The following PRTG variants were observed in gnomAD, a reference collection of about 807,000 sequenced individuals.
PRTG encodes immunoglobulin superfamily, DCC subclass, member 5.
Under a neutral mutation model 122.5 loss-of-function variants are expected in PRTG, and 67 were observed. That is an observed-to-expected ratio of 0.55 (90% CI 0.45 to 0.67). The LOEUF is 0.67. Ranked by LOEUF, PRTG falls within the 30% of genes least tolerant of loss-of-function variation. PRTG has a pLI of 0.00. For missense variants in PRTG, 1,435 were observed against 1,415.4 expected (o/e 1.01, Z -0.22); for synonymous variants, 554 against 501.1 (o/e 1.11, Z -1.41).
chr15:55,740,692 G>A lies in PRTG; in HGVS notation c.95-8C>T, dbSNP rs1567123218. 5 of 1,580,720 alleles carry A rather than the reference G, an allele frequency of 3.2e-6. No homozygotes were observed. The highest frequency in any genetic ancestry group is 1.9e-5 in the Admixed American group (1 of 52,372). On this transcript the variant is annotated splice_region_variant and splice_polypyrimidine_tract_variant and intron_variant, in intron 1 of 19. Transcript: ENST00000389286. ...CGCTAAAGCACCACACTCCTATAAG[G>A]AAAAAAAAGGAGAACGGCACATCCA...
At chr15:55,701,507 C>A (rs1407210136) in intron 2 of PRTG, among the ~76,000 whole-genome samples, 5 of 152,156 alleles carry the variant, frequency 3.3e-5, no homozygotes, top group South Asian at 4.2e-4. Flanking sequence ...GCACCCCAGC[C>A]TGGATGACAG....
At chr15:55,626,115 T>C (rs1339298806) in intron 17 of PRTG, among the ~76,000 whole-genome samples, 1 of 152,078 alleles carries the variant, frequency 6.6e-6, no homozygotes, top group Non-Finnish European at 1.5e-5. Context: ...CTCAAAATAC[T>C]AAGAAAATGA....
In PRTG at chr15:55,612,383, T is replaced by C. The variant is rs912637357; in HGVS notation, c.*7629A>G. The C allele has an allele frequency of 6.6e-6, 1 of 151,874 alleles. No individual in the cohort carries two copies. The highest frequency in any genetic ancestry group is 1.5e-5 in the Non-Finnish European group (1 of 67,888). The allele number at this position is 151,874 out of a possible 1,614,324, so 9.4% of individuals were successfully genotyped here. A position where few individuals can be genotyped will look rare whatever the true frequency, so the allele number is the denominator to read the frequency against. On this transcript the variant is annotated 3_prime_UTR_variant, in exon 20 of 20. Coordinates refer to ENST00000389286, the MANE Select transcript of PRTG (RefSeq NM_173814.6). ...CATGAACTACTTACAAGCTATGAAC[T>C]TAAGGAAATCTGCAAAGCTGTTCAG... is the stretch of plus-strand genomic sequence containing the variant.
At chr15:55,730,334 G>A (rs888960041) in intron 2 of PRTG, among the ~76,000 whole-genome samples, 3 of 151,990 alleles carry the variant, frequency 2.0e-5, no homozygotes, top group Admixed American at 6.6e-5. Context: ...ACTGCTGACC[G>A]ACAGTGATTC....
Position 55,675,520 on chromosome 15 carries a change from A to G in PRTG, c.1545T>C (p.Asp515=). The change falls in exon 9 of 20, where the codon GAT becomes GAC. Residue 515 remains aspartate (D), a splice_region_variant and synonymous_variant. Coordinates refer to ENST00000389286, the MANE Select transcript of PRTG (RefSeq NM_173814.6). The stretch of plus-strand genomic sequence containing the variant: ...TGATCTAGAATCATGTTTTCTTACC[A>G]TCCTCTAGAGTATTCTGTGTCACAT... ...SDHVTQNTLE[D]VPLRPPEISL... is the part of the protein sequence containing the mutation. The G allele has an allele frequency of 3.7e-6, 6 of 1,601,348 alleles. No individual in the cohort carries two copies. Among genetic ancestry groups the G allele is most frequent in the Non-Finnish European group, 5.1e-6 (6 of 1,171,748 alleles).
At chr15:55,709,145 C>CAAAAAA (rs3985769) in intron 2 of PRTG, among the ~76,000 whole-genome samples, 8 of 51,832 alleles carry the variant, frequency 1.5e-4, no homozygotes, top group African/African-American at 6.4e-4. Context: ...GACTCTGTCT[C>CAAAAAA]AAAAAAAAAA....
intron 2 of PRTG, among the ~76,000 whole-genome samples, chr15:55,701,093 T>C (rs1352139023): frequency 1.3e-5 from 2 of 152,216 alleles, no homozygotes; most frequent in Non-Finnish European, 2.9e-5. Context: ...CCTGTTAGAA[T>C]GACTCAAATC....
intron 2 of PRTG, among the ~76,000 whole-genome samples, chr15:55,688,832 C>CA (rs1355275583): frequency 1.3e-5 from 2 of 152,008 alleles, no homozygotes; most frequent in African/African-American, 4.8e-5. Context: ...GACTCCATCT[C>CA]AAAAAAAGAA....
intron 11 of PRTG, among the ~76,000 whole-genome samples, chr15:55,663,717 T>C (rs2059422497): frequency 6.6e-6 from 1 of 151,978 alleles, no homozygotes; most frequent in Non-Finnish European, 1.5e-5. Flanking sequence ...AATTTTTGTA[T>C]TTTTAGTAGA....
intron 2 of PRTG, among the ~76,000 whole-genome samples, chr15:55,709,056 G>A (rs1438892901): frequency 1.4e-5 from 2 of 142,148 alleles, no homozygotes; most frequent in African/African-American, 5.2e-5. Context: ...TGAGGCAGGA[G>A]AATCACTTGA....
At chr15:55,697,343 A>G (rs2059637347) in intron 2 of PRTG, among the ~76,000 whole-genome samples, 1 of 152,214 alleles carries the variant, frequency 6.6e-6, no homozygotes, top group Non-Finnish European at 1.5e-5. Flanking sequence ...AGTGCCCTGC[A>G]TACAACAGGC....
Position 55,715,862 on chromosome 15 carries a change from A to C in PRTG, c.397+24520T>G, listed in dbSNP as rs371228650. On this transcript the variant is annotated intron_variant, in intron 2 of 19. Transcript: ENST00000389286. Reference sequence around the variant, plus strand: ...AGAGAAACCTAAGAGAAACTTTGTGATAAGACATTTGGATAAACAATCCAT... The same window carrying C: ...AGAGAAACCTAAGAGAAACTTTGTGCTAAGACATTTGGATAAACAATCCAT... Among the ~76,000 whole-genome samples, 22 of 152,370 alleles carry C rather than the reference A, an allele frequency of 1.4e-4. No individual in the cohort carries two copies. The South Asian group carries it at 4.3e-3, about 30-fold the overall frequency.
In PRTG at chr15:55,742,610, A is replaced by C. The variant is rs529298043; in HGVS notation, c.94+228T>G. 9.8e-6 allele frequency: 5 copies of C among 511,136 alleles called. No individual in the cohort carries two copies. In the East Asian group the frequency reaches 1.8e-4, roughly 18 times the overall value. The allele number at this position is 511,136 out of a possible 1,614,324, so 31.7% of individuals were successfully genotyped here. A position where few individuals can be genotyped will look rare whatever the true frequency, so the allele number is the denominator to read the frequency against. The stretch of plus-strand genomic sequence containing the variant: ...GCGGCGCGGAGGGGCGTGCGCCCGG[A>C]GAAGCTCCCGCAGCCCTGCCCAAGC... On this transcript the variant is annotated intron_variant, in intron 1 of 19. Coordinates refer to ENST00000389286, the MANE Select transcript of PRTG (RefSeq NM_173814.6).
intron 5 of PRTG, 66 bp downstream of exon 5, chr15:55,680,425 T>C: frequency 1.4e-6 from 2 of 1,460,564 alleles, no homozygotes; most frequent in South Asian, 1.5e-5. Flanking sequence ...AAACATTTTA[T>C]AAATTTCATT....
At chr15:55,641,999 C>T (rs2059293394) in intron 11 of PRTG, among the ~76,000 whole-genome samples, 1 of 150,268 alleles carries the variant, frequency 6.7e-6, no homozygotes, top group South Asian at 2.1e-4. Context: ...AAGGTGAAAC[C>T]CCGTCTCTAC....
chr15:55,737,218 C>A (rs1316954007), intron 2 of PRTG, among the ~76,000 whole-genome samples: 7 of 152,208 alleles, frequency 4.6e-5, no homozygotes, highest in African/African-American at 1.7e-4. Flanking sequence ...AGAAAAAGGG[C>A]ATCCCATGTC....
At chr15:55,721,785 T>C (rs770876628) in intron 2 of PRTG, among the ~76,000 whole-genome samples, 4 of 152,122 alleles carry the variant, frequency 2.6e-5, no homozygotes, top group Non-Finnish European at 4.4e-5. Context: ...ATGTCCTTTA[T>C]AGGGCAGCAG....
chr15:55,694,557 T>C (rs2059621712), intron 2 of PRTG, among the ~76,000 whole-genome samples: 1 of 152,128 alleles, frequency 6.6e-6, no homozygotes, highest in Admixed American at 6.5e-5. Context: ...TATCAAAACT[T>C]AGAAACTTTA....
intron 11 of PRTG, among the ~76,000 whole-genome samples, chr15:55,661,230 G>T (rs1391185281): frequency 6.6e-6 from 1 of 152,156 alleles, no homozygotes; most frequent in African/African-American, 2.4e-5. Context: ...GTACAAGAGA[G>T]ACAGAGAAGG....
Sources: allele counts gnomAD v4.1 joint callset (sites outside exome capture counted in the v4.1 genomes callset), GRCh38; gene constraint gnomAD v4.1.1; transcripts MANE v1.5; gene names NCBI Gene and HGNC (gene_info 2026-07-23, HGNC 2026-07-21).